PSMB7: variants seen among roughly 807,000 people sequenced by gnomAD.
PSMB7 encodes proteasome subunit beta type-7.
In PSMB7, 5 loss-of-function variants were observed where a neutral mutation model predicts 28.1. The ratio of observed to expected loss-of-function variants is 0.18; its 90% CI spans 0.09 to 0.37. The LOEUF is 0.37. PSMB7 is among the 10% of genes least tolerant of loss of function. PSMB7 has a pLI of 1.00. For missense variants in PSMB7, 275 were observed against 346.2 expected (o/e 0.79, Z 1.63); for synonymous variants, 122 against 123.7 (o/e 0.99, Z 0.09).
chr9:124,411,609 G>C (rs1296159685), intron 4 of PSMB7, among the ~76,000 whole-genome samples: 1 of 152,196 alleles, frequency 6.6e-6, no homozygotes, highest in Non-Finnish European at 1.5e-5. Context: ...AGAAGCAAAT[G>C]AGAAAACACA....
chr9:124,385,562 G>C (rs969255073), intron 5 of PSMB7, among the ~76,000 whole-genome samples: 12 of 152,196 alleles, frequency 7.9e-5, no homozygotes, highest in African/African-American at 2.7e-4. Flanking sequence ...TTTGGAGAGA[G>C]GATAGAGTTG....
intron 6 of PSMB7, among the ~76,000 whole-genome samples, chr9:124,379,026 A>G (rs1187932251): frequency 6.6e-6 from 1 of 152,202 alleles, no homozygotes; most frequent in South Asian, 2.1e-4. Flanking sequence ...GCTCTGAGCA[A>G]TTCATCATCA....
intron 5 of PSMB7, among the ~76,000 whole-genome samples, chr9:124,396,413 T>A (rs1564683731): frequency 6.6e-6 from 1 of 152,252 alleles, no homozygotes; most frequent in Non-Finnish European, 1.5e-5. Flanking sequence ...TCTCACTTAA[T>A]TGTAAGATTC....
intron 6 of PSMB7, among the ~76,000 whole-genome samples, chr9:124,377,654 C>G (rs1256767740): frequency 1.3e-5 from 2 of 152,218 alleles, no homozygotes; most frequent in Non-Finnish European, 2.9e-5. Flanking sequence ...TAACCACAAG[C>G]CTTTAGGGCG....
intron 6 of PSMB7, among the ~76,000 whole-genome samples, chr9:124,361,423 G>A (rs2131143493): frequency 6.6e-6 from 1 of 152,328 alleles, no homozygotes; most frequent in East Asian, 1.9e-4. Context: ...CCGAGTGCTT[G>A]AGGGGACAAA....
chr9:124,399,673 G>C (rs527430332), intron 5 of PSMB7, among the ~76,000 whole-genome samples: 14 of 152,192 alleles, frequency 9.2e-5, no homozygotes, highest in Non-Finnish European at 1.9e-4. Context: ...GCCAAGAGCC[G>C]CAAGGAGCTG....
intron 5 of PSMB7, among the ~76,000 whole-genome samples, chr9:124,400,221 T>C (rs778263838): frequency 1.4e-4 from 21 of 152,088 alleles, no homozygotes; most frequent in Non-Finnish European, 2.4e-4. Flanking sequence ...GGGTAAGGGG[T>C]GCATTGCAAA....
chr9:124,384,471 C>A, intron 6 of PSMB7, 127 bp downstream of exon 6: 1 of 873,156 alleles, frequency 1.1e-6, no homozygotes, highest in Non-Finnish European at 1.7e-6. Context: ...ACCATCTGTG[C>A]CAAAGAACAT....
chr9:124,390,906 G>T (rs1304599927), intron 5 of PSMB7, among the ~76,000 whole-genome samples: 1 of 152,158 alleles, frequency 6.6e-6, no homozygotes, highest in East Asian at 1.9e-4. Flanking sequence ...ATCCATGCAT[G>T]AGTCAACAGA....
At chr9:124,367,172 T>C (rs1453964429) in intron 6 of PSMB7, among the ~76,000 whole-genome samples, 1 of 151,928 alleles carries the variant, frequency 6.6e-6, no homozygotes, top group African/African-American at 2.4e-5. Context: ...AGAGCAGATG[T>C]GGGTGAGGAG....
chr9:124,355,023 G>A (rs1195257085), intron 7 of PSMB7, among the ~76,000 whole-genome samples: 1 of 152,262 alleles, frequency 6.6e-6, no homozygotes, highest in African/African-American at 2.4e-5. Context: ...ACTGGCGCAT[G>A]GCACGGGATG....
Position 124,370,949 on chromosome 9 carries a change from G to A in PSMB7, c.570+13649C>T, listed in dbSNP as rs527786494. On this transcript the variant is annotated intron_variant, in intron 6 of 7. Coordinates refer to ENST00000259457, the MANE Select transcript of PSMB7 (RefSeq NM_002799.4). ...TGCTAAAATTCTTCATCATGCTTCCGTGTATATTAGCAAATGTGCAGTGTG... is the reference window on the plus strand; with the variant it reads ...TGCTAAAATTCTTCATCATGCTTCCATGTATATTAGCAAATGTGCAGTGTG... Among the ~76,000 whole-genome samples the A allele has an allele frequency of 5.1e-4, 77 of 152,206 alleles. 4 individuals carry two copies. Among genetic ancestry groups the A allele is most frequent in the South Asian group, 2.9e-3 (14 of 4,820 alleles).
intron 6 of PSMB7, among the ~76,000 whole-genome samples, chr9:124,363,041 G>A (rs1489250461): frequency 3.3e-5 from 5 of 152,120 alleles, no homozygotes; most frequent in Admixed American, 3.3e-4. Context: ...GAACATCAGG[G>A]GTCCGCCCTA....
At chr9:124,407,816 T>C (rs1830982770) in intron 4 of PSMB7, among the ~76,000 whole-genome samples, 2 of 152,162 alleles carry the variant, frequency 1.3e-5, no homozygotes, top group African/African-American at 4.8e-5. Flanking sequence ...ATGGCTAAAC[T>C]GATCCAACTG....
chr9:124,403,489 G>A (rs1830932921), intron 5 of PSMB7, among the ~76,000 whole-genome samples: 1 of 152,174 alleles, frequency 6.6e-6, no homozygotes, highest in Non-Finnish European at 1.5e-5. Flanking sequence ...TTGCACCACT[G>A]TACTCCAGCC....
chr9:124,391,210 C>T (rs1830783880), intron 5 of PSMB7, among the ~76,000 whole-genome samples: 1 of 152,152 alleles, frequency 6.6e-6, no homozygotes, highest in Non-Finnish European at 1.5e-5. Flanking sequence ...TCCCATTTTA[C>T]AAAAGGAGAA....
intron 6 of PSMB7, among the ~76,000 whole-genome samples, chr9:124,368,761 T>G (rs1376970590): frequency 6.6e-6 from 1 of 152,234 alleles, no homozygotes; most frequent in Non-Finnish European, 1.5e-5. Flanking sequence ...AGTAAACTCT[T>G]GTTATACCTG....
chr9:124,357,581 A>T (rs1164979993), intron 6 of PSMB7, among the ~76,000 whole-genome samples: 2 of 152,238 alleles, frequency 1.3e-5, no homozygotes, highest in African/African-American at 4.8e-5. Flanking sequence ...TCACTGAAGT[A>T]ATCCATTACT....
At chr9:124,402,215 T>A (rs1466105549) in intron 5 of PSMB7, among the ~76,000 whole-genome samples, 5 of 152,150 alleles carry the variant, frequency 3.3e-5, no homozygotes, top group Non-Finnish European at 5.9e-5. Flanking sequence ...TGTGGACCCA[T>A]CACCCGGAAC....
Sources: allele counts gnomAD v4.1 joint callset (sites outside exome capture counted in the v4.1 genomes callset), GRCh38; gene constraint gnomAD v4.1.1; transcripts MANE v1.5; gene names NCBI Gene and HGNC (gene_info 2026-07-23, HGNC 2026-07-21).